Variants in ASXL2 observed in about 807,000 individuals in gnomAD.
ASXL2 encodes the protein putative Polycomb group protein ASXL2.
A neutral mutation model predicts 122.0 loss-of-function variants in ASXL2; 23 were observed. The observed-to-expected ratio is 0.19, with a 90% CI of 0.14 to 0.27. ASXL2 has a LOEUF of 0.27. ASXL2 is among the 10% of genes least tolerant of loss of function. The pLI is 1.00. For missense variants in ASXL2, 1,518 were observed against 1,713.8 expected (o/e 0.89, Z 2.02); for synonymous variants, 650 against 637.0 (o/e 1.02, Z -0.31).
In ASXL2 at chr2:25,878,458, T is replaced by C; in HGVS notation, c.-236A>G. The C allele has an allele frequency of 1.7e-6, 1 of 574,810 alleles. No homozygotes were observed. 35.6% of individuals were successfully genotyped at this position (574,810 alleles called of 1,614,324 possible). A position where few individuals can be genotyped will look rare whatever the true frequency, so the allele number is the denominator to read the frequency against. ...CTACCGCCGCTGCCATATTGGGTTCTTACTGTACAGGCTGCCGCTACGGTC... is the reference window on the plus strand; with the variant it reads ...CTACCGCCGCTGCCATATTGGGTTCCTACTGTACAGGCTGCCGCTACGGTC... On this transcript the variant is annotated 5_prime_UTR_variant, in exon 1 of 13. Coordinates refer to ENST00000435504, the MANE Select transcript of ASXL2 (RefSeq NM_018263.6).
chr2:25,849,064 C>CATATATATATAT lies in ASXL2; in HGVS notation c.58-3513_58-3502dup, dbSNP rs139200567. Among the ~76,000 whole-genome samples, 120 of 86,500 alleles carry CATATATATATAT rather than the reference C, an allele frequency of 1.4e-3. 12 individuals carry two copies. The highest frequency in any genetic ancestry group is 0.011 in the East Asian group (12 of 1,060). The allele number at this position is 86,500 out of a possible 152,430, so 56.7% of individuals were successfully genotyped here. On this transcript the variant is annotated intron_variant, in intron 1 of 12. Transcript: ENST00000435504. Reference sequence around the variant, plus strand: ...CCGTCTCAAAAAAAAAAAAAATTTACATATATATATATGGAATATTTATTT... The same window carrying CATATATATATAT: ...CCGTCTCAAAAAAAAAAAAAATTTACATATATATATATATATATATATATGGAATATTTATTT...
At chr2:25,829,341 G>T (rs2089421706) in intron 3 of ASXL2, among the ~76,000 whole-genome samples, 1 of 151,968 alleles carries the variant, frequency 6.6e-6, no homozygotes, top group African/African-American at 2.4e-5. Context: ...GGTAAAAGGA[G>T]TATTAGTGAG....
In ASXL2 at chr2:25,744,287, C is replaced by T. The variant is rs201808592; in HGVS notation, c.2050G>A (p.Ala684Thr). ...AAAAAAAAAA[A>T]SVGGTIPGPG... ...CCTGGAATGGTCCCTCCAACTGAGGCGGCTGCAGCAGCTGCGGCGGCAGCG... is the reference window on the plus strand; with the variant it reads ...CCTGGAATGGTCCCTCCAACTGAGGTGGCTGCAGCAGCTGCGGCGGCAGCG... Residue 684 changes from alanine to threonine, a missense_variant, in exon 13 of 13, where the codon GCC (alanine) becomes ACC (threonine). Ala to Thr is a moderately conservative substitution (Grantham distance 58). Around this residue, in one of 8 missense-constraint regions of ASXL2, gnomAD observed 48 missense variants for 82.1 expected, o/e 0.58. Transcript: ENST00000435504. This position sits in a 1 kb window ranked among gnomAD's most constrained non-coding sequence, Gnocchi z 4.7. The T allele has an allele frequency of 4.8e-4, 775 of 1,611,978 alleles. No individual in the cohort carries two copies. Among genetic ancestry groups the T allele is most frequent in the Non-Finnish European group, 6.2e-4 (726 of 1,179,396 alleles).
rs1324214016 is a variant in ASXL2 at position 25,737,978 on chromosome 2, T to C, written c.*4051A>G. On this transcript the variant is annotated 3_prime_UTR_variant, in exon 13 of 13. Transcript: ENST00000435504. ...ACAGCCAGAAGGGAAAAAAATAGCT[T>C]GTGGTAAATAAGTCAATTTTCTTTT... 1 of 152,150 alleles carries C rather than the reference T, an allele frequency of 6.6e-6. No individual in the cohort carries two copies. Among genetic ancestry groups the C allele is most frequent in the African/African-American group, 2.4e-5 (1 of 41,446 alleles). The allele number at this position is 152,150 out of a possible 1,614,324, so 9.4% of individuals were successfully genotyped here.
intron 2 of ASXL2, among the ~76,000 whole-genome samples, chr2:25,837,003 T>G (rs1270681755): frequency 2.8e-5 from 4 of 144,260 alleles, no homozygotes; most frequent in Non-Finnish European, 4.5e-5. Context: ...AAAACTCTAT[T>G]TCTCTATTAG....
intron 1 of ASXL2, among the ~76,000 whole-genome samples, chr2:25,867,670 T>C (rs2089921047): frequency 6.6e-6 from 1 of 152,214 alleles, no homozygotes; most frequent in African/African-American, 2.4e-5. Flanking sequence ...CAGAAAATAC[T>C]TGTCAGCCCA....
At chr2:25,799,245 G>A in intron 5 of ASXL2, 140 bp downstream of exon 5, 1 of 1,162,490 alleles carries the variant, frequency 8.6e-7, no homozygotes, top group Non-Finnish European at 1.2e-6. Flanking sequence ...CATCATTGCA[G>A]AAAACTCTCC....
chr2:25,832,161 G>C (rs1416235820), intron 3 of ASXL2, among the ~76,000 whole-genome samples: 1 of 152,166 alleles, frequency 6.6e-6, no homozygotes, highest in Non-Finnish European at 1.5e-5. Context: ...ATATACCACA[G>C]ACTATGCTTC....
chr2:25,786,011 G>A (rs2088738083), intron 5 of ASXL2, among the ~76,000 whole-genome samples: 1 of 152,130 alleles, frequency 6.6e-6, no homozygotes, highest in Non-Finnish European at 1.5e-5. Context: ...TGATACAGAT[G>A]ATTAATAATA....
intron 5 of ASXL2, among the ~76,000 whole-genome samples, chr2:25,783,666 C>T (rs1310224936): frequency 6.6e-6 from 1 of 152,042 alleles, no homozygotes; most frequent in Non-Finnish European, 1.5e-5. Flanking sequence ...CAGTGGCTCA[C>T]ACCTGTAATC....
At position 25,744,935 on chromosome 2, in the gene ASXL2, C is replaced by CCACA. The variant is rs10579555; in HGVS notation, c.1861-463_1861-460dup. On this transcript the variant is annotated intron_variant, in intron 12 of 12. Transcript: ENST00000435504. This position sits in a 1 kb window ranked among gnomAD's most constrained non-coding sequence, Gnocchi z 4.7. ...GGGAAAATACTTGCTCTTCTCTGTTCCACACACACACACACACACACACAC... is the reference window on the plus strand; with the variant it reads ...GGGAAAATACTTGCTCTTCTCTGTTCCACACACACACACACACACACACACACAC... Among the ~76,000 whole-genome samples, 10,780 of 138,206 alleles carry CCACA rather than the reference C, an allele frequency of 0.078. 434 individuals are homozygous for CCACA. The highest frequency in any genetic ancestry group is 0.094 in the Non-Finnish European group (6,060 of 64,254). The allele number at this position is 138,206 out of a possible 152,430, so 90.7% of individuals were successfully genotyped here.
At chr2:25,818,147 C>G (rs115392916) in intron 3 of ASXL2, among the ~76,000 whole-genome samples, 4 of 152,172 alleles carry the variant, frequency 2.6e-5, no homozygotes, top group South Asian at 2.1e-4. Flanking sequence ...GAATGGCTCA[C>G]CTGTTAAAAT....
At chr2:25,863,989 G>C (rs971465573) in intron 1 of ASXL2, among the ~76,000 whole-genome samples, 1 of 148,658 alleles carries the variant, frequency 6.7e-6, no homozygotes, top group African/African-American at 2.5e-5. Context: ...CTGGGTAACA[G>C]AGCGAGACTC....
chr2:25,838,952 C>A lies in ASXL2; in HGVS notation c.141-3412G>T, dbSNP rs553988659. ...CATTCCTTCAATATTTAGATTCATA[C>A]AAATGCACAGTATAATCCAGAATCA... On this transcript the variant is annotated intron_variant, in intron 2 of 12. Coordinates refer to ENST00000435504, the MANE Select transcript of ASXL2 (RefSeq NM_018263.6). 1.9e-4 allele frequency among the ~76,000 whole-genome samples: 29 copies of A among 152,232 alleles called. No individual in the cohort carries two copies. In the South Asian group the frequency reaches 5.8e-3, roughly 30 times the overall value.
rs754392619 is a variant in ASXL2, at chr2:25,742,052, C to T, written c.4285G>A (p.Val1429Ile). 2.5e-6 allele frequency: 4 copies of T among 1,613,454 alleles called. No individual in the cohort carries two copies. The highest frequency in any genetic ancestry group is 2.2e-5 in the East Asian group (1 of 44,878). The change falls in exon 13 of 13, where the codon GTC becomes ATC. Residue 1429 changes from valine to isoleucine, a missense_variant. By Grantham distance (29) the Val-to-Ile change is conservative. Around this residue, in one of 8 missense-constraint regions of ASXL2, gnomAD observed 17 missense variants for 37.3 expected, o/e 0.46. Coordinates refer to ENST00000435504, the MANE Select transcript of ASXL2 (RefSeq NM_018263.6). ...CATTACCGAACGACAAGGCAGGAGACGCACAGTTTGGAGGGGCCGATGCAA... is the reference window on the plus strand; with the variant it reads ...CATTACCGAACGACAAGGCAGGAGATGCACAGTTTGGAGGGGCCGATGCAA... Reference protein sequence around the residue: ...DDCIGPSKLCVSCLVVR With the variant: ...DDCIGPSKLCISCLVVR
chr2:25,842,817 T>TG (rs1211465230), intron 2 of ASXL2, among the ~76,000 whole-genome samples: 2 of 151,086 alleles, frequency 1.3e-5, no homozygotes, highest in Non-Finnish European at 2.9e-5. Flanking sequence ...TATATGTTTT[T>TG]TTTGTTTGTT....
intron 1 of ASXL2, among the ~76,000 whole-genome samples, chr2:25,854,346 T>A (rs906543765): frequency 6.6e-6 from 1 of 152,236 alleles, no homozygotes; most frequent in Non-Finnish European, 1.5e-5. Context: ...TTAGCTTATT[T>A]AACCTTTACA....
intron 5 of ASXL2, among the ~76,000 whole-genome samples, chr2:25,787,224 G>A (rs1477375529): frequency 6.6e-6 from 1 of 152,168 alleles, no homozygotes; most frequent in Non-Finnish European, 1.5e-5. Flanking sequence ...ATCTTTCAGG[G>A]TTATGTTTGC....
intron 5 of ASXL2, among the ~76,000 whole-genome samples, chr2:25,779,442 G>T (rs2149160594): frequency 6.6e-6 from 1 of 151,862 alleles, no homozygotes; most frequent in South Asian, 2.1e-4. Flanking sequence ...AACATTTCTG[G>T]TTCCTAATAA....
Sources: gnomAD v4.1 joint callset for allele counts (sites outside exome capture counted in the v4.1 genomes callset) on GRCh38, gnomAD v4.1.1 for gene constraint, gnomAD v4.1.1 regional missense constraint, Gnocchi (gnomAD v3.1) non-coding constraint, MANE v1.5 for transcripts, NCBI Gene and HGNC (gene_info 2026-07-23, HGNC 2026-07-21) for gene names.